LOC128462377: variants seen among roughly 807,000 people sequenced by gnomAD.
the LOC128462377 span, among the ~76,000 whole-genome samples, chr16:89,334,563 G>T: frequency 2.0e-5 from 3 of 152,098 alleles, no homozygotes; most frequent in Non-Finnish European, 2.9e-5. Flanking sequence ...CATGCGGCAT[G>T]CTATGGGGCC....
At chr16:89,347,349 C>A in the LOC128462377 span, among the ~76,000 whole-genome samples, 4 of 152,292 alleles carry the variant, frequency 2.6e-5, no homozygotes, top group East Asian at 7.7e-4. Flanking sequence ...CTGGCTCATG[C>A]CTGTAATCCC....
the LOC128462377 span, among the ~76,000 whole-genome samples, chr16:89,414,818 G>A: frequency 2.0e-5 from 3 of 152,216 alleles, no homozygotes; most frequent in African/African-American, 7.2e-5. Context: ...GAAGAGCACA[G>A]CACCGTGTAC....
At chr16:89,376,448 G>GTTTTTTTTTTTTTTTTTTTT in the LOC128462377 span, among the ~76,000 whole-genome samples, 1 of 152,106 alleles carries the variant, frequency 6.6e-6, no homozygotes, top group Non-Finnish European at 1.5e-5. Flanking sequence ...TTTTGTTTTT[G>GTTTTTTTTTTTTTTTTTTTT]TTTTTTTGAG....
chr16:89,341,656 C>T, the LOC128462377 span, among the ~76,000 whole-genome samples: 2 of 152,242 alleles, frequency 1.3e-5, no homozygotes, highest in African/African-American at 2.4e-5. Context: ...GGAGCAATGC[C>T]ACGTATGCAA....
chr16:89,416,983 T>C, the LOC128462377 span, among the ~76,000 whole-genome samples: 94 of 152,088 alleles, frequency 6.2e-4, no homozygotes, highest in African/African-American at 2.2e-3. Context: ...TCTTGAAAAA[T>C]GTCTCACCTG....
chr16:89,390,440 G>A, the LOC128462377 span, among the ~76,000 whole-genome samples: 9 of 152,148 alleles, frequency 5.9e-5, no homozygotes, highest in African/African-American at 2.2e-4. Flanking sequence ...CTAACCAACG[G>A]TAAGGGGTGC....
At chr16:89,382,850 C>A in the LOC128462377 span, among the ~76,000 whole-genome samples, 5 of 151,926 alleles carry the variant, frequency 3.3e-5, no homozygotes, top group Non-Finnish European at 7.4e-5. Flanking sequence ...TTTGTTTGCC[C>A]ATTTTTTGAG....
chr16:89,416,111 C>T, the LOC128462377 span, among the ~76,000 whole-genome samples: 1 of 152,094 alleles, frequency 6.6e-6, no homozygotes, highest in African/African-American at 2.4e-5. Context: ...GCATTAAACA[C>T]CTTAGATTAT....
At chr16:89,351,892 G>A in the LOC128462377 span, among the ~76,000 whole-genome samples, 1,811 of 152,302 alleles carry the variant, frequency 0.012, 33 homozygotes, top group African/African-American at 0.041. Context: ...CCTACGGTCT[G>A]TCAATCCTCT....
the LOC128462377 span, chr16:89,317,128 C>G: frequency 3.4e-6 from 4 of 1,170,582 alleles, no homozygotes; most frequent in East Asian, 7.6e-5. Flanking sequence ...CAGCTCAAAA[C>G]TCATCCACTC....
At chr16:89,399,434 A>C in the LOC128462377 span, among the ~76,000 whole-genome samples, 1 of 152,142 alleles carries the variant, frequency 6.6e-6, no homozygotes, top group Non-Finnish European at 1.5e-5. Flanking sequence ...TACGGTTCCG[A>C]CTCTGACATC....
At chr16:89,375,640 G>C in the LOC128462377 span, among the ~76,000 whole-genome samples, 1 of 151,870 alleles carries the variant, frequency 6.6e-6, no homozygotes, top group Non-Finnish European at 1.5e-5. Flanking sequence ...TTTTAGTAGA[G>C]ACAGGGGTTT....
chr16:89,386,491 G>A, the LOC128462377 span, among the ~76,000 whole-genome samples: 3 of 152,134 alleles, frequency 2.0e-5, no homozygotes, highest in Admixed American at 6.5e-5. Context: ...GATAGAACCC[G>A]GCACACAGCA....
the LOC128462377 span, among the ~76,000 whole-genome samples, chr16:89,397,803 G>T: frequency 3.6e-3 from 543 of 152,320 alleles, 1 homozygote; most frequent in Non-Finnish European, 5.5e-3. Context: ...TTGGCAGCAG[G>T]CGGTGGCCAG....
chr16:89,354,243 CAAAAAA>C, the LOC128462377 span, among the ~76,000 whole-genome samples: 144 of 126,240 alleles, frequency 1.1e-3, 1 homozygote, highest in Middle Eastern at 7.8e-3. Flanking sequence ...TGCATTCAGC[CAAAAAA>C]AAAAAAAAAA....
At chr16:89,337,650 C>T in the LOC128462377 span, among the ~76,000 whole-genome samples, 3 of 151,988 alleles carry the variant, frequency 2.0e-5, no homozygotes, top group East Asian at 5.8e-4. Context: ...CCGTGTTAGC[C>T]AGGATGGTCT....
At chr16:89,398,267 G>T in the LOC128462377 span, among the ~76,000 whole-genome samples, 2 of 151,180 alleles carry the variant, frequency 1.3e-5, no homozygotes, top group African/African-American at 2.4e-5. Flanking sequence ...TGAAACAGGT[G>T]AAGATTACCT....
the LOC128462377 span, among the ~76,000 whole-genome samples, chr16:89,318,151 G>A: frequency 1.3e-5 from 2 of 152,186 alleles, no homozygotes; most frequent in Non-Finnish European, 2.9e-5. Context: ...CACGGTGCGA[G>A]CGCACTTCTT....
the LOC128462377 span, chr16:89,339,918 G>T: frequency 2.0e-5 from 3 of 152,168 alleles, no homozygotes; most frequent in South Asian, 4.1e-4. Context: ...TGCAGGTAAC[G>T]CATTGGACGG....
Sources: allele counts gnomAD v4.1 joint callset (sites outside exome capture counted in the v4.1 genomes callset), GRCh38; gene constraint gnomAD v4.1.1; transcripts MANE v1.5.